CEP97: variants seen among roughly 807,000 people sequenced by gnomAD.
The protein encoded by CEP97 is centrosomal protein of 97 kDa.
In CEP97, 43 loss-of-function variants were observed where a neutral mutation model predicts 73.1. That is an observed-to-expected ratio of 0.59 (90% CI 0.46 to 0.76). CEP97 has a LOEUF of 0.76. Among genes scored for constraint, CEP97 ranks in the 30% least tolerant of loss-of-function variants. CEP97 has a pLI of 0.00. For missense variants in CEP97, 939 were observed against 1,014.0 expected, an observed-to-expected ratio of 0.93 and a Z score of 1.00; for synonymous variants, 337 against 370.0, an observed-to-expected ratio of 0.91 and a Z score of 1.02.
At position 101,758,236 on chromosome 3, in the gene CEP97, A is replaced by T. The variant is rs780519453; in HGVS notation, c.1630A>T (p.Arg544Ter). Residue 544 changes from arginine (R) to a stop codon, truncating the protein, a stop_gained, in exon 9 of 11, where the codon AGA becomes TGA. Transcript: ENST00000341893. LOFTEE classifies it high-confidence loss of function. ...SEKLPMILTQ[R>*]SVALGQDKVA... Reference sequence around the variant, plus strand: ...GAAACTTCCCATGATTTTAACCCAGAGATCTGTTGCTTTGGGACAAGACAA... The same window carrying T: ...GAAACTTCCCATGATTTTAACCCAGTGATCTGTTGCTTTGGGACAAGACAA... The T allele has an allele frequency of 6.2e-7, 1 of 1,614,268 alleles. No individual in the cohort carries two copies. The highest frequency in any genetic ancestry group is 8.5e-7 in the Non-Finnish European group (1 of 1,180,048).
At chr3:101,761,920 A>G (rs1237583013) in intron 9 of CEP97, among the ~76,000 whole-genome samples, 4 of 152,222 alleles carry the variant, frequency 2.6e-5, no homozygotes, top group African/African-American at 7.2e-5. Context: ...TCAGACTTTG[A>G]TGAATGAATG....
chr3:101,728,858 G>C lies in CEP97; in HGVS notation c.368G>C (p.Cys123Ser), dbSNP rs1254648284. 1.2e-6 allele frequency: 2 copies of C among 1,607,086 alleles called. No individual in the cohort carries two copies. The highest frequency in any genetic ancestry group is 1.7e-6 in the Non-Finnish European group (2 of 1,173,600). The change falls in exon 4 of 11, where the codon TGC becomes TCC. Residue 123 changes from cysteine to serine, a missense_variant. Coordinates refer to ENST00000341893, the MANE Select transcript of CEP97 (RefSeq NM_024548.4). ...NLKAMEQINS[C>S]TALQHLDLSD... ...TAGGCCATGGAACAGATCAATAGCT[G>C]CACAGCTCTACAGCATCTCGATTTA...
intron 6 of CEP97, among the ~76,000 whole-genome samples, chr3:101,734,090 T>A (rs1292923260): frequency 1.3e-5 from 2 of 152,210 alleles, no homozygotes; most frequent in Admixed American, 1.3e-4. Context: ...CCTCCCAAAG[T>A]GTTGGGATTA....
At chr3:101,750,713 G>A (rs1481832299) in intron 6 of CEP97, among the ~76,000 whole-genome samples, 2 of 152,150 alleles carry the variant, frequency 1.3e-5, no homozygotes, top group East Asian at 3.9e-4. Context: ...GGTGTTTGTA[G>A]TATTCTCTGA....
chr3:101,727,946 T>G (rs1052403367), intron 3 of CEP97, among the ~76,000 whole-genome samples: 1 of 152,224 alleles, frequency 6.6e-6, no homozygotes, highest in African/African-American at 2.4e-5. Context: ...TGCGTCTTAT[T>G]TTTTGGCATG....
Position 101,765,261 on chromosome 3 carries a change from A to G in CEP97, c.2308A>G (p.Ser770Gly). 3 of 1,614,232 alleles carry G rather than the reference A, an allele frequency of 1.9e-6. No homozygotes were observed. The highest frequency in any genetic ancestry group is 2.5e-6 in the Non-Finnish European group (3 of 1,180,042). The change falls in exon 11 of 11, where the codon AGT (serine) becomes GGT (glycine). Residue 770 changes from serine to glycine, a missense_variant. By Grantham distance (56) the Ser-to-Gly change is moderately conservative. Coordinates refer to ENST00000341893, the MANE Select transcript of CEP97 (RefSeq NM_024548.4). ...AAGCTCAAATAACGAGCAGGACAATAGTCTGCTTGAACAGTATTTAACTTC... is the reference window on the plus strand; with the variant it reads ...AAGCTCAAATAACGAGCAGGACAATGGTCTGCTTGAACAGTATTTAACTTC... ...KESSNNEQDN[S>G]LLEQYLTSVQ...
chr3:101,764,780 C>G, intron 10 of CEP97, 67 bp from the exon 11 acceptor site: 2 of 1,429,466 alleles, frequency 1.4e-6, no homozygotes, highest in Non-Finnish European at 1.9e-6. Context: ...GAGACCCTGT[C>G]TCAAAAACAA....
At chr3:101,727,287 GTGTT>G (rs200184476) in intron 2 of CEP97, 92 bp from the exon 3 acceptor site, 12,378 of 951,416 alleles carry the variant, frequency 0.013, 104 homozygotes, top group Non-Finnish European at 0.016. Flanking sequence ...TTGTTTGAGA[GTGTT>G]TGGCTGTCTA....
chr3:101,769,068 C>T lies in CEP97; in HGVS notation c.*3517C>T, dbSNP rs1939392493. On this transcript the variant is annotated 3_prime_UTR_variant, in exon 11 of 11. Coordinates refer to ENST00000341893, the MANE Select transcript of CEP97 (RefSeq NM_024548.4). ...TGGATTATTTTTTGTATACAAACAC[C>T]ATAATACTGTATTTTCCTGTTATCT... 1.3e-5 allele frequency: 2 copies of T among 152,058 alleles called. No individual in the cohort carries two copies. Among genetic ancestry groups the T allele is most frequent in the African/African-American group, 2.4e-5 (1 of 41,400 alleles). The allele number at this position is 152,058 out of a possible 1,614,324, so 9.4% of individuals were successfully genotyped here. A position where few individuals can be genotyped will look rare whatever the true frequency, so the allele number is the denominator to read the frequency against.
chr3:101,731,192 C>CTTTTTTTTT (rs35988030), intron 4 of CEP97, among the ~76,000 whole-genome samples: 1 of 123,262 alleles, frequency 8.1e-6, no homozygotes, highest in African/African-American at 3.1e-5. Flanking sequence ...GTTTTAATGA[C>CTTTTTTTTT]TTTTTTTTTT....
At position 101,768,841 on chromosome 3, in the gene CEP97, T is replaced by C. The variant is rs140751787; in HGVS notation, c.*3290T>C. The C allele has an allele frequency of 6.6e-6, 1 of 152,238 alleles. No homozygotes were observed. Among genetic ancestry groups the C allele is most frequent in the East Asian group, 1.9e-4 (1 of 5,206 alleles). 9.4% of individuals were successfully genotyped at this position (152,238 alleles called of 1,614,324 possible). On this transcript the variant is annotated 3_prime_UTR_variant, in exon 11 of 11. Transcript: ENST00000341893. ...ACAGATGTTAAAATGTTAACTCTCC[T>C]GGTGTGCAGAAAGCTGTAATCATGA...
chr3:101,736,531 G>C (rs1938282199), intron 6 of CEP97, among the ~76,000 whole-genome samples: 1 of 152,236 alleles, frequency 6.6e-6, no homozygotes, highest in Non-Finnish European at 1.5e-5. Context: ...CTGTTCTGCA[G>C]CCTCTGCTGT....
intron 9 of CEP97, among the ~76,000 whole-genome samples, chr3:101,759,847 G>A (rs995003259): frequency 2.6e-5 from 4 of 152,198 alleles, no homozygotes; most frequent in Admixed American, 2.6e-4. Flanking sequence ...TGAAGGATGA[G>A]TGTAGCCAAT....
chr3:101,736,806 A>G (rs1273162861), intron 6 of CEP97, among the ~76,000 whole-genome samples: 1 of 152,248 alleles, frequency 6.6e-6, no homozygotes, highest in African/African-American at 2.4e-5. Flanking sequence ...AAGGATCACA[A>G]CTGCTTGCCA....
chr3:101,730,132 A>G (rs1279141329), intron 4 of CEP97, among the ~76,000 whole-genome samples: 1 of 151,904 alleles, frequency 6.6e-6, no homozygotes, highest in Non-Finnish European at 1.5e-5. Context: ...TATGTTGTCT[A>G]GACTGGTCTC....
rs940399621 is a variant in CEP97 at position 101,746,383 on chromosome 3, A to G, written c.729-9047A>G. On this transcript the variant is annotated intron_variant, in intron 6 of 10. Transcript: ENST00000341893. Reference sequence around the variant, plus strand: ...CTCAGAAATAACGCCGCATATCTACAACTATCTGATCTTTGACAAACCTGA... The same window carrying G: ...CTCAGAAATAACGCCGCATATCTACGACTATCTGATCTTTGACAAACCTGA... Among the ~76,000 whole-genome samples the G allele has an allele frequency of 9.2e-5, 14 of 151,394 alleles. No homozygotes were observed. In the South Asian group the frequency reaches 2.7e-3, roughly 29 times the overall value.
chr3:101,756,945 A>G, intron 7 of CEP97, 118 bp from the exon 8 acceptor site: 1 of 905,214 alleles, frequency 1.1e-6, no homozygotes, highest in Non-Finnish European at 1.7e-6. Flanking sequence ...GCATTAATTA[A>G]AAGTACCTAC....
rs547188109 is a variant in CEP97, at chr3:101,769,266, A to C, written c.*3715A>C. 2.1e-4 allele frequency: 32 copies of C among 152,264 alleles called. No individual in the cohort carries two copies. In the South Asian group the frequency reaches 3.3e-3, roughly 16 times the overall value. 9.4% of individuals were successfully genotyped at this position (152,264 alleles called of 1,614,324 possible). A position where few individuals can be genotyped will look rare whatever the true frequency, so the allele number is the denominator to read the frequency against. ...GGAGTTAAGATGGTAAAAAGAAAAAAATAGAATGAATATGATCATTTCTCC... is the reference window on the plus strand; with the variant it reads ...GGAGTTAAGATGGTAAAAAGAAAAACATAGAATGAATATGATCATTTCTCC... On this transcript the variant is annotated 3_prime_UTR_variant, in exon 11 of 11. Coordinates refer to ENST00000341893, the MANE Select transcript of CEP97 (RefSeq NM_024548.4).
chr3:101,749,275 G>A (rs1464908057), intron 6 of CEP97, among the ~76,000 whole-genome samples: 3 of 151,408 alleles, frequency 2.0e-5, no homozygotes, highest in South Asian at 2.1e-4. Context: ...ATAGTTTACT[G>A]AGAATGATAA....
Sources: gnomAD v4.1 joint callset for allele counts (sites outside exome capture counted in the v4.1 genomes callset) on GRCh38, gnomAD v4.1.1 for gene constraint, MANE v1.5 for transcripts, NCBI Gene and HGNC (gene_info 2026-07-23, HGNC 2026-07-21) for gene names.